RFWD3: variants seen among roughly 807,000 people sequenced by gnomAD.
The protein encoded by RFWD3 is E3 ubiquitin-protein ligase RFWD3.
RFWD3 carries 65 observed loss-of-function variants against 87.7 expected under a neutral mutation model. The ratio of observed to expected loss-of-function variants is 0.74; its 90% CI spans 0.61 to 0.91. The LOEUF is 0.91. Among genes scored for constraint, RFWD3 ranks in the 40% least tolerant of loss-of-function variants. The pLI is 0.00. For missense variants in RFWD3, 1,078 were observed against 938.5 expected, an observed-to-expected ratio of 1.15 and a Z score of -1.94; for synonymous variants, 433 against 352.8, an observed-to-expected ratio of 1.23 and a Z score of -2.55.
Position 74,661,117 on chromosome 16 carries a change from G to A in RFWD3, c.333C>T (p.Thr111=). Residue 111 remains threonine, a synonymous_variant, in exon 2 of 13, where the codon ACC becomes ACT. Coordinates refer to ENST00000361070, the MANE Select transcript of RFWD3 (RefSeq NM_018124.4). ...QHRQGSDGNH[T]IPASSLHSMT... ...TTGAATGCAACGAAGATGCTGGGAT[G>A]GTGTGATTACCATCAGATCCCTGCC... 1.2e-6 allele frequency: 2 copies of A among 1,614,180 alleles called. No individual in the cohort carries two copies. The highest frequency in any genetic ancestry group is 1.7e-6 in the Non-Finnish European group (2 of 1,180,040).
At chr16:74,642,984 G>T (rs1329129136) in intron 6 of RFWD3, among the ~76,000 whole-genome samples, 2 of 152,114 alleles carry the variant, frequency 1.3e-5, no homozygotes, top group African/African-American at 2.4e-5. Context: ...ACCCATTACA[G>T]CCACACGTAT....
chr16:74,629,696 T>A (rs896393813), intron 10 of RFWD3, among the ~76,000 whole-genome samples: 1 of 152,106 alleles, frequency 6.6e-6, no homozygotes, highest in African/African-American at 2.4e-5. Context: ...TATTTTACTG[T>A]CTACTCTATT....
At chr16:74,627,581 C>A (rs1332288863) in intron 11 of RFWD3, among the ~76,000 whole-genome samples, 2 of 152,214 alleles carry the variant, frequency 1.3e-5, no homozygotes, top group Non-Finnish European at 2.9e-5. Flanking sequence ...CACACCTGAA[C>A]CTAACTTGTT....
In RFWD3 at chr16:74,647,938, C is replaced by T. The variant is rs186613219; in HGVS notation, c.792+1194G>A. Among the ~76,000 whole-genome samples, 196 of 152,074 alleles carry T rather than the reference C, an allele frequency of 1.3e-3. 2 individuals are homozygous for T. Among genetic ancestry groups the T allele is most frequent in the African/African-American group, 4.6e-3 (192 of 41,480 alleles). ...TTATCACCTACTAACCATATTCTGC[C>T]TGATTTTTTTTTAATTTTAATTTTT... is the stretch of plus-strand genomic sequence containing the variant. On this transcript the variant is annotated intron_variant, in intron 4 of 12. Transcript: ENST00000361070.
At chr16:74,638,998 GT>G (rs1363971556) in intron 6 of RFWD3, among the ~76,000 whole-genome samples, 2 of 147,232 alleles carry the variant, frequency 1.4e-5, no homozygotes, top group East Asian at 4.0e-4. Flanking sequence ...TGGTATTTAT[GT>G]ATCTAAACAT....
intron 8 of RFWD3, among the ~76,000 whole-genome samples, chr16:74,635,466 C>T (rs1207910861): frequency 1.1e-5 from 1 of 93,062 alleles, no homozygotes; most frequent in Admixed American, 9.5e-5. Context: ...GACTCCATCT[C>T]AAAAGAAAAA....
intron 4 of RFWD3, among the ~76,000 whole-genome samples, chr16:74,648,170 T>C (rs1014249883): frequency 1.2e-4 from 18 of 152,218 alleles, no homozygotes; most frequent in African/African-American, 4.1e-4. Context: ...TACTTAACCT[T>C]GTTGGCTAGA....
At chr16:74,651,157 C>T (rs1158143572) in intron 3 of RFWD3, among the ~76,000 whole-genome samples, 1 of 152,068 alleles carries the variant, frequency 6.6e-6, no homozygotes, top group African/African-American at 2.4e-5. Context: ...ACTGAAAGAG[C>T]GCCCTCTGGG....
intron 6 of RFWD3, 80 bp downstream of exon 6, chr16:74,644,282 T>A (rs956222107): frequency 2.9e-6 from 4 of 1,361,704 alleles, no homozygotes; most frequent in Non-Finnish European, 4.2e-6. Context: ...TCACTACGAG[T>A]GACTCATAAC....
intron 2 of RFWD3, among the ~76,000 whole-genome samples, chr16:74,655,284 G>A (rs113298747): frequency 0.12 from 18,976 of 151,908 alleles, 1,428 homozygotes; most frequent in Admixed American, 0.23. Context: ...TTGTCGCCCA[G>A]GTTAGAGTGC....
chr16:74,652,595 G>A (rs1019583862), intron 2 of RFWD3, among the ~76,000 whole-genome samples: 2 of 152,108 alleles, frequency 1.3e-5, no homozygotes, highest in African/African-American at 4.8e-5. Context: ...CTCATTTTAG[G>A]ATAGTATTTT....
chr16:74,633,480 A>G (rs2144090100), intron 8 of RFWD3, among the ~76,000 whole-genome samples: 1 of 152,286 alleles, frequency 6.6e-6, no homozygotes, highest in East Asian at 1.9e-4. Flanking sequence ...ATAAAAAATT[A>G]TGCAGCGAGA....
Position 74,651,982 on chromosome 16 carries a change from C to A in RFWD3, c.659G>T (p.Ser220Ile). The A allele has an allele frequency of 1.2e-6, 2 of 1,614,042 alleles. No individual in the cohort carries two copies. The highest frequency in any genetic ancestry group is 1.7e-6 in the Non-Finnish European group (2 of 1,179,972). ...AACAACCCCTCCATACTCTGCAGAG[C>A]TGTCACTGTCAGAATCAGAACTACT... ...VSSSSDSDSDSSAEYGGVVDQ... is the reference protein window; with the variant it reads ...VSSSSDSDSDISAEYGGVVDQ... The change falls in exon 3 of 13, where the codon AGC (serine) becomes ATC (isoleucine). Residue 220 changes from serine (S) to isoleucine (I), a missense_variant. Coordinates refer to ENST00000361070, the MANE Select transcript of RFWD3 (RefSeq NM_018124.4).
rs146942008 is a variant in RFWD3 at position 74,639,662 on chromosome 16, G to A, written c.1080-1692C>T. ...CAAGATCCCAAAGGTGTTTTTCATG[G>A]AACTTAACAAATTAATTTTAAAAAA... On this transcript the variant is annotated intron_variant, in intron 6 of 12. Coordinates refer to ENST00000361070, the MANE Select transcript of RFWD3 (RefSeq NM_018124.4). 1.6e-3 allele frequency among the ~76,000 whole-genome samples: 243 copies of A among 152,178 alleles called. 2 individuals carry two copies. Among genetic ancestry groups the A allele is most frequent in the African/African-American group, 5.2e-3 (216 of 41,518 alleles).
At chr16:74,646,208 CT>C (rs1202903750) in intron 4 of RFWD3, among the ~76,000 whole-genome samples, 37 of 151,724 alleles carry the variant, frequency 2.4e-4, no homozygotes, top group African/African-American at 8.9e-4. Flanking sequence ...GACCTTGTCC[CT>C]GTTAAAAATT....
intron 10 of RFWD3, among the ~76,000 whole-genome samples, chr16:74,629,623 T>G (rs1289947257): frequency 6.6e-6 from 1 of 151,374 alleles, no homozygotes; most frequent in African/African-American, 2.4e-5. Flanking sequence ...TGAGACACCA[T>G]CTTAAAAAAA....
At chr16:74,629,108 A>T (rs1959016833) in intron 10 of RFWD3, among the ~76,000 whole-genome samples, 1 of 152,192 alleles carries the variant, frequency 6.6e-6, no homozygotes, top group South Asian at 2.1e-4. Context: ...TTAATTCAGA[A>T]ACAGGACTGT....
intron 8 of RFWD3, among the ~76,000 whole-genome samples, chr16:74,634,010 T>G (rs948459134): frequency 6.6e-6 from 1 of 152,092 alleles, no homozygotes; most frequent in African/African-American, 2.4e-5. Context: ...TAAAGTTATC[T>G]TGATTGTAGT....
chr16:74,660,794 T>C lies in RFWD3; in HGVS notation c.518+138A>G, dbSNP rs56143602. On this transcript the variant is annotated intron_variant, in intron 2 of 12. Transcript: ENST00000361070. The stretch of plus-strand genomic sequence containing the variant: ...TTGTGAAGTAAGGCAAGCACTTTTA[T>C]TTCCACCTATGAGGAACTGGGGGTC... 0.41 allele frequency: 364,754 copies of C among 895,348 alleles called. 76,571 individuals carry two copies. The highest frequency in any genetic ancestry group is 0.5 in the African/African-American group (29,831 of 59,904). 55.5% of individuals were successfully genotyped at this position (895,348 alleles called of 1,614,324 possible). A position where few individuals can be genotyped will look rare whatever the true frequency, so the allele number is the denominator to read the frequency against.
Sources: allele counts gnomAD v4.1 joint callset (sites outside exome capture counted in the v4.1 genomes callset), GRCh38; gene constraint gnomAD v4.1.1; transcripts MANE v1.5; gene names NCBI Gene and HGNC (gene_info 2026-07-23, HGNC 2026-07-21).